Variants in RUNDC3B observed in about 807,000 individuals in gnomAD.
RUNDC3B encodes RUN domain containing 3B.
A neutral mutation model predicts 58.4 loss-of-function variants in RUNDC3B; 33 were observed. The ratio of observed to expected loss-of-function variants is 0.56; its 90% CI spans 0.43 to 0.75. RUNDC3B has a LOEUF of 0.75. Among genes scored for constraint, RUNDC3B ranks in the 30% least tolerant of loss-of-function variants. RUNDC3B has a pLI of 0.00. For synonymous variants in RUNDC3B, 193 were observed against 195.2 expected, an observed-to-expected ratio of 0.99 and a Z score of 0.10; for missense variants, 501 against 535.7, an observed-to-expected ratio of 0.94 and a Z score of 0.64.
Position 87,777,970 on chromosome 7 carries a change from T to C in RUNDC3B, c.956+15T>C. On this transcript the variant is annotated intron_variant, in intron 8 of 10. Transcript: ENST00000394654. ...CAAGATCAGCTGTAAGTACAAGCCT[T>C]TTAGAAAAATGTTGGTAGCATGTAA... is the stretch of plus-strand genomic sequence containing the variant. 1 of 1,595,684 alleles carries C rather than the reference T, an allele frequency of 6.3e-7. No homozygotes were observed. Among genetic ancestry groups the C allele is most frequent in the South Asian group, 1.1e-5 (1 of 87,330 alleles).
chr7:87,760,942 C>A (rs1833643458), intron 6 of RUNDC3B, among the ~76,000 whole-genome samples: 2 of 151,414 alleles, frequency 1.3e-5, no homozygotes, highest in Non-Finnish European at 3.0e-5. Flanking sequence ...AATATGACAC[C>A]AAAAATGTAA....
At chr7:87,675,535 C>A (rs976483377) in intron 2 of RUNDC3B, among the ~76,000 whole-genome samples, 19 of 149,748 alleles carry the variant, frequency 1.3e-4, no homozygotes, top group African/African-American at 4.7e-4. Context: ...GTAGAGAACC[C>A]AGAAATTAAT....
rs1430415147 is a variant in RUNDC3B at position 87,628,580 on chromosome 7, C to CGT, written c.-242_-241dup. 1.7e-4 allele frequency: 51 copies of CGT among 292,834 alleles called. No homozygotes were observed. Among genetic ancestry groups the CGT allele is most frequent in the Non-Finnish European group, 2.5e-4 (43 of 173,284 alleles). 18.1% of individuals were successfully genotyped at this position (292,834 alleles called of 1,614,324 possible). A position where few individuals can be genotyped will look rare whatever the true frequency, so the allele number is the denominator to read the frequency against. ...GCGCCGAGGGCGGAGGTGGTGCGTG[C>CGT]GTGCGTGTGTGTGTGTGTGTGTGTG... On this transcript the variant is annotated 5_prime_UTR_variant, in exon 1 of 11. Transcript: ENST00000394654.
At chr7:87,641,224 A>G (rs1822421262) in intron 1 of RUNDC3B, among the ~76,000 whole-genome samples, 1 of 152,256 alleles carries the variant, frequency 6.6e-6, no homozygotes, top group South Asian at 2.1e-4. Context: ...TACAGTAGAA[A>G]TAGACCACAG....
At chr7:87,715,387 T>A (rs1185012141) in intron 4 of RUNDC3B, among the ~76,000 whole-genome samples, 2 of 111,038 alleles carry the variant, frequency 1.8e-5, no homozygotes, top group Non-Finnish European at 3.6e-5. Context: ...ATAATCAATA[T>A]AATATAATAT....
At position 87,741,587 on chromosome 7, in the gene RUNDC3B, A is replaced by T. The variant is rs755122835; in HGVS notation, c.629+8A>T. 6.9e-7 allele frequency: 1 copy of T among 1,458,540 alleles called. No individual in the cohort carries two copies. The highest frequency in any genetic ancestry group is 1.2e-5 in the South Asian group (1 of 81,914). The allele number at this position is 1,458,540 out of a possible 1,614,324, so 90.3% of individuals were successfully genotyped here. A position where few individuals can be genotyped will look rare whatever the true frequency, so the allele number is the denominator to read the frequency against. The stretch of plus-strand genomic sequence containing the variant: ...TTTGAAGTATATCCAAAGGTATGTG[A>T]CATTTTGAGATATGTTTTTTAAAAT... On this transcript the variant is annotated splice_region_variant and intron_variant, in intron 6 of 10. Transcript: ENST00000394654.
intron 8 of RUNDC3B, among the ~76,000 whole-genome samples, chr7:87,794,274 A>G (rs1225788265): frequency 1.3e-5 from 2 of 152,164 alleles, no homozygotes; most frequent in Non-Finnish European, 2.9e-5. Context: ...ATCTCTACTA[A>G]AAATACAAAA....
At chr7:87,704,641 A>G (rs1829429517) in intron 3 of RUNDC3B, among the ~76,000 whole-genome samples, 1 of 152,198 alleles carries the variant, frequency 6.6e-6, no homozygotes, top group Non-Finnish European at 1.5e-5. Flanking sequence ...AAGTACTGGT[A>G]TTGAGAATCA....
chr7:87,780,945 A>G (rs1237635693), intron 8 of RUNDC3B, among the ~76,000 whole-genome samples: 1 of 151,878 alleles, frequency 6.6e-6, no homozygotes, highest in East Asian at 1.9e-4. Flanking sequence ...GTTATTTTTT[A>G]TTAGGATTGA....
At position 87,700,472 on chromosome 7, in the gene RUNDC3B, T is replaced by C; in HGVS notation, c.290T>C (p.Ile97Thr). 6.2e-7 allele frequency: 1 copy of C among 1,613,596 alleles called. No individual in the cohort carries two copies. Among genetic ancestry groups the C allele is most frequent in the Non-Finnish European group, 8.5e-7 (1 of 1,179,658 alleles). ...YESPRSFWDY[I>T]RVACRKVSQN... ...AGTCCTCGTAGCTTCTGGGACTATA[T>C]CAGAGTGGCTTGCCGGAAAGTTTCA... is the stretch of plus-strand genomic sequence containing the variant. The change falls in exon 3 of 11, where the codon ATC becomes ACC. Residue 97 changes from isoleucine (I) to threonine (T), a missense_variant. By Grantham distance (89) the Ile-to-Thr change is moderately conservative (BLOSUM62 -1). Coordinates refer to ENST00000394654, the MANE Select transcript of RUNDC3B (RefSeq NM_001134405.2).
chr7:87,813,612 AT>A (rs1836846186), intron 9 of RUNDC3B, among the ~76,000 whole-genome samples: 1 of 152,210 alleles, frequency 6.6e-6, no homozygotes, highest in African/African-American at 2.4e-5. Context: ...CACAAAAAAA[AT>A]AATTTGGAAA....
At chr7:87,699,951 C>A (rs1390354933) in intron 2 of RUNDC3B, among the ~76,000 whole-genome samples, 1 of 151,594 alleles carries the variant, frequency 6.6e-6, no homozygotes, top group Non-Finnish European at 1.5e-5. Flanking sequence ...ACATTGTATA[C>A]CTTTTTTGAA....
At chr7:87,686,861 C>T (rs1447733447) in intron 2 of RUNDC3B, among the ~76,000 whole-genome samples, 1 of 150,840 alleles carries the variant, frequency 6.6e-6, no homozygotes, top group South Asian at 2.1e-4. Context: ...GGGAGGGTCA[C>T]CTGAGCCCAA....
At chr7:87,780,250 A>T (rs915320828) in intron 8 of RUNDC3B, among the ~76,000 whole-genome samples, 1 of 152,176 alleles carries the variant, frequency 6.6e-6, no homozygotes, top group Non-Finnish European at 1.5e-5. Flanking sequence ...CCATCAACAG[A>T]GTGTAAGCAT....
At chr7:87,717,538 A>T (rs1830629479) in intron 4 of RUNDC3B, among the ~76,000 whole-genome samples, 2 of 152,106 alleles carry the variant, frequency 1.3e-5, no homozygotes, top group Admixed American at 1.3e-4. Flanking sequence ...ATGACATATG[A>T]TGCATTTAAA....
chr7:87,745,241 G>A (rs533216781), intron 6 of RUNDC3B, among the ~76,000 whole-genome samples: 1 of 152,166 alleles, frequency 6.6e-6, no homozygotes. Flanking sequence ...AAGGATTTTA[G>A]CATCTATGTT....
intron 7 of RUNDC3B, among the ~76,000 whole-genome samples, chr7:87,775,742 A>G (rs1273567372): frequency 1.3e-5 from 2 of 152,130 alleles, no homozygotes; most frequent in African/African-American, 2.4e-5. Context: ...AATACTTGCT[A>G]TTGTATTACA....
rs73706919 is a variant in RUNDC3B at position 87,768,540 on chromosome 7, C to T, written c.630-2041C>T. ...GAGCCCAGCTGCACAAGCTGACCAC[C>T]TGGTGCTCTGCCCACAGGATGTTTC... is the stretch of plus-strand genomic sequence containing the variant. On this transcript the variant is annotated intron_variant, in intron 6 of 10. Transcript: ENST00000394654. Among the ~76,000 whole-genome samples the T allele has an allele frequency of 7.9e-3, 1,199 of 152,338 alleles. 22 individuals carry two copies. The highest frequency in any genetic ancestry group is 0.027 in the African/African-American group (1,135 of 41,562).
chr7:87,810,128 C>G (rs572050196), intron 9 of RUNDC3B, among the ~76,000 whole-genome samples: 1 of 152,176 alleles, frequency 6.6e-6, no homozygotes, highest in South Asian at 2.1e-4. Context: ...TAACTTCATT[C>G]AACCAGTTAG....
Sources: gnomAD v4.1 joint callset for allele counts (sites outside exome capture counted in the v4.1 genomes callset) on GRCh38, gnomAD v4.1.1 for gene constraint, MANE v1.5 for transcripts, NCBI Gene and HGNC (gene_info 2026-07-23, HGNC 2026-07-21) for gene names.